Variants in SYT1 observed in about 807,000 individuals in gnomAD.
SYT1 encodes the protein synaptotagmin-1.
A neutral mutation model predicts 44.8 loss-of-function variants in SYT1; 8 were observed. The observed-to-expected ratio is 0.18, with a 90% CI of 0.10 to 0.32. The LOEUF is 0.32. Ranked by LOEUF, SYT1 falls within the 10% of genes least tolerant of loss-of-function variation. The pLI is 1.00. For missense variants in SYT1, 286 were observed against 509.3 expected, an observed-to-expected ratio of 0.56 and a Z score of 4.22; for synonymous variants, 154 against 188.8, an observed-to-expected ratio of 0.82 and a Z score of 1.51.
At chr12:79,267,214 T>C (rs1878181486) in intron 4 of SYT1, among the ~76,000 whole-genome samples, 1 of 152,248 alleles carries the variant, frequency 6.6e-6, no homozygotes, top group South Asian at 2.1e-4. Context: ...CCCCTTTAGC[T>C]GATAATCTTT....
intron 4 of SYT1, among the ~76,000 whole-genome samples, chr12:79,261,817 C>T (rs1877845421): frequency 6.6e-6 from 1 of 152,198 alleles, no homozygotes; most frequent in Admixed American, 6.5e-5. Flanking sequence ...GAAAATGACT[C>T]ACTGAGTTCT....
intron 4 of SYT1, among the ~76,000 whole-genome samples, chr12:79,276,600 C>T (rs891269739): frequency 2.0e-5 from 3 of 150,680 alleles, no homozygotes; most frequent in African/African-American, 7.3e-5. Context: ...CACTTGAACC[C>T]GGGAGGCAGA....
chr12:79,408,111 G>A (rs2136127581), intron 9 of SYT1, among the ~76,000 whole-genome samples: 1 of 152,208 alleles, frequency 6.6e-6, no homozygotes, highest in South Asian at 2.1e-4. Context: ...TCCTGGGTGA[G>A]CTACTCTGAA....
chr12:78,885,737 G>A (rs955650961), intron 1 of SYT1, among the ~76,000 whole-genome samples: 5 of 151,894 alleles, frequency 3.3e-5, no homozygotes, highest in Admixed American at 6.6e-5. Context: ...GGGTGACTAT[G>A]GTTTTTATTT....
At chr12:79,120,706 A>C (rs1235095475) in intron 3 of SYT1, among the ~76,000 whole-genome samples, 1 of 152,134 alleles carries the variant, frequency 6.6e-6, no homozygotes, top group East Asian at 1.9e-4. Context: ...AAGTTATATG[A>C]TGTTTCATGT....
intron 2 of SYT1, among the ~76,000 whole-genome samples, chr12:79,018,049 T>TAAA (rs201899215): frequency 1.3e-5 from 2 of 151,840 alleles, no homozygotes; most frequent in African/African-American, 4.8e-5. Flanking sequence ...CAATTTTTCT[T>TAAA]AAAAATTGTG....
intron 4 of SYT1, among the ~76,000 whole-genome samples, chr12:79,261,687 C>T (rs1186764944): frequency 6.6e-6 from 1 of 152,144 alleles, no homozygotes; most frequent in African/African-American, 2.4e-5. Flanking sequence ...AGGGCATTAG[C>T]ATTTATTAAA....
intron 3 of SYT1, among the ~76,000 whole-genome samples, chr12:79,062,786 A>G (rs1351730592): frequency 6.6e-6 from 1 of 152,176 alleles, no homozygotes; most frequent in East Asian, 1.9e-4. Flanking sequence ...ATGGTTAGAA[A>G]TGTTCTTTTA....
chr12:79,228,275 G>A (rs995298452), intron 4 of SYT1, among the ~76,000 whole-genome samples: 4 of 151,774 alleles, frequency 2.6e-5, no homozygotes, highest in East Asian at 1.9e-4. Context: ...ATTTAAAAAC[G>A]TAATCTGGAC....
chr12:79,182,681 A>G (rs1379361795), intron 3 of SYT1, among the ~76,000 whole-genome samples: 1 of 152,100 alleles, frequency 6.6e-6, no homozygotes, highest in Admixed American at 6.6e-5. Flanking sequence ...AGAGATCTGA[A>G]CTATAATTTA....
intron 4 of SYT1, among the ~76,000 whole-genome samples, chr12:79,223,083 G>C (rs1031435230): frequency 6.6e-6 from 1 of 152,000 alleles, no homozygotes; most frequent in East Asian, 1.9e-4. Flanking sequence ...GGAATTATTT[G>C]TCAGGCATTT....
At chr12:79,337,103 A>C (rs1257290386) in intron 8 of SYT1, among the ~76,000 whole-genome samples, 1 of 152,100 alleles carries the variant, frequency 6.6e-6, no homozygotes, top group South Asian at 2.1e-4. Context: ...CTTGGCTCAC[A>C]GATAGATTGT....
intron 6 of SYT1, among the ~76,000 whole-genome samples, chr12:79,294,546 G>A (rs1879787981): frequency 6.6e-6 from 1 of 152,058 alleles, no homozygotes; most frequent in African/African-American, 2.4e-5. Context: ...TCAGAACAAG[G>A]TTGTAAAAAG....
At position 79,012,746 on chromosome 12, in the gene SYT1, G is replaced by C. The variant is rs552253409; in HGVS notation, c.-83-34551G>C. Among the ~76,000 whole-genome samples, 74 of 152,280 alleles carry C rather than the reference G, an allele frequency of 4.9e-4. 1 individual carries two copies. The East Asian group carries it at 6.6e-3, about 14-fold the overall frequency. ...AAGTGTTCAATGCTTCTGAAAACAG[G>C]AGAGTGCACCCTGTCGCTGCTCCCT... On this transcript the variant is annotated intron_variant, in intron 2 of 10. Transcript: ENST00000261205.
intron 9 of SYT1, chr12:79,419,236 T>C (rs1378471231): frequency 3.8e-6 from 2 of 521,072 alleles, no homozygotes; most frequent in Non-Finnish European, 7.9e-6. Flanking sequence ...AATTGGTAAG[T>C]TGAGAAAAAA....
chr12:79,244,237 A>G (rs1464494661), intron 4 of SYT1, among the ~76,000 whole-genome samples: 1 of 152,218 alleles, frequency 6.6e-6, no homozygotes, highest in Non-Finnish European at 1.5e-5. Flanking sequence ...GGCTTTGCAC[A>G]TGCCATACTC....
chr12:79,044,084 T>G (rs1335025134), intron 2 of SYT1, among the ~76,000 whole-genome samples: 1 of 152,074 alleles, frequency 6.6e-6, no homozygotes, highest in East Asian at 1.9e-4. Context: ...TCAACTTTGG[T>G]GAATCTGACA....
chr12:78,998,488 C>A lies in SYT1; in HGVS notation c.-84+20557C>A, dbSNP rs1248400784. ...GTCTACTGTGCCATGACATAACACC[C>A]AGCACCTAGCATAGGGCCTGCACAT... On this transcript the variant is annotated intron_variant, in intron 2 of 10. Transcript: ENST00000261205. Among the ~76,000 whole-genome samples, 6 of 152,294 alleles carry A rather than the reference C, an allele frequency of 3.9e-5. No individual in the cohort carries two copies. In the East Asian group the frequency reaches 7.7e-4, roughly 20 times the overall value.
intron 2 of SYT1, among the ~76,000 whole-genome samples, chr12:78,993,834 A>G (rs966795488): frequency 6.6e-6 from 1 of 152,204 alleles, no homozygotes; most frequent in African/African-American, 2.4e-5. Context: ...TTCAGCTGGT[A>G]TTAGAAGCAG....
Sources: allele counts gnomAD v4.1 joint callset (sites outside exome capture counted in the v4.1 genomes callset), GRCh38; gene constraint gnomAD v4.1.1; transcripts MANE v1.5; gene names NCBI Gene and HGNC (gene_info 2026-07-23, HGNC 2026-07-21).